The following EMP2 variants were observed in gnomAD, a reference collection of about 807,000 sequenced individuals.
EMP2 encodes epithelial membrane protein 2.
In EMP2, 19 loss-of-function variants were observed where a neutral mutation model predicts 13.7. The observed-to-expected ratio is 1.38, with a 90% CI of 0.97 to 2.03. EMP2 has a LOEUF of 2.03. Ranked by LOEUF, EMP2 falls within the 30% of genes most tolerant of loss-of-function variation. EMP2 has a pLI of 0.00. For missense variants in EMP2, 253 were observed against 220.7 expected, an observed-to-expected ratio of 1.15 and a Z score of -0.93; for synonymous variants, 97 against 84.7, an observed-to-expected ratio of 1.15 and a Z score of -0.80.
rs556281334 is a variant in EMP2, at chr16:10,533,082, G to A, written c.327C>T (p.Val109=). Residue 109 remains valine, a synonymous_variant, in exon 5 of 5, where the codon GTC becomes GTT. Transcript: ENST00000359543. The part of the protein sequence containing the change: ...SIIQLMSCLC[V]MIAASIYTDR... ...CTGTATAAATGGAGGCCGCAATCATGACACACAGACCTGTCAGGAAGAAAG... is the reference window on the plus strand; with the variant it reads ...CTGTATAAATGGAGGCCGCAATCATAACACACAGACCTGTCAGGAAGAAAG... 2.5e-6 allele frequency: 4 copies of A among 1,579,546 alleles called. No individual in the cohort carries two copies. In the South Asian group the frequency reaches 4.7e-5, roughly 18 times the overall value.
At position 10,538,017 on chromosome 16, in the gene EMP2, C is replaced by T; in HGVS notation, c.227G>A (p.Cys76Tyr). The change falls in exon 4 of 5, where the codon TGC (cysteine) becomes TAC (tyrosine). Residue 76 changes from cysteine (C) to tyrosine (Y), a missense_variant. Physicochemically the swap from Cys to Tyr is radical, Grantham distance 194. Coordinates refer to ENST00000359543, the MANE Select transcript of EMP2 (RefSeq NM_001424.6). ...GAGCACGAAGATGAAGAAGGCGATGCAGCAGAGAATGGTGGAGAGGATCAT... is the reference window on the plus strand; with the variant it reads ...GAGCACGAAGATGAAGAAGGCGATGTAGCAGAGAATGGTGGAGAGGATCAT... ...ATMILSTILCCIAFFIFVLQL... is the reference protein window; with the variant it reads ...ATMILSTILCYIAFFIFVLQL... The T allele has an allele frequency of 1.2e-6, 2 of 1,614,110 alleles. No homozygotes were observed. Among genetic ancestry groups the T allele is most frequent in the Non-Finnish European group, 1.7e-6 (2 of 1,180,016 alleles).
At chr16:10,538,440 C>T (rs2050668030) in intron 3 of EMP2, among the ~76,000 whole-genome samples, 1 of 152,148 alleles carries the variant, frequency 6.6e-6, no homozygotes, top group African/African-American at 2.4e-5. Flanking sequence ...CTCAAGAAAT[C>T]AGGATGGGGC....
chr16:10,572,619 C>A (rs1017894414), intron 1 of EMP2, among the ~76,000 whole-genome samples: 3 of 152,100 alleles, frequency 2.0e-5, no homozygotes, highest in African/African-American at 7.2e-5. Context: ...GATAGATGAC[C>A]TGTCACAGAA....
intron 1 of EMP2, among the ~76,000 whole-genome samples, chr16:10,568,855 C>T (rs1455786056): frequency 1.6e-5 from 2 of 127,130 alleles, no homozygotes; most frequent in African/African-American, 6.2e-5. Context: ...GGCGCAATGT[C>T]GGCTCACTGC....
intron 4 of EMP2, among the ~76,000 whole-genome samples, chr16:10,535,598 T>A (rs924430231): frequency 8.6e-5 from 13 of 151,996 alleles, no homozygotes; most frequent in Non-Finnish European, 1.8e-4. Context: ...TAGTCCCAGT[T>A]CCTTGGGAGG....
chr16:10,571,074 C>A (rs182429046), intron 1 of EMP2, among the ~76,000 whole-genome samples: 1 of 151,184 alleles, frequency 6.6e-6, no homozygotes, highest in Non-Finnish European at 1.5e-5. Flanking sequence ...CTGGCCAACA[C>A]GGTGAAACCC....
chr16:10,549,875 T>TTC (rs1186317644), intron 1 of EMP2, among the ~76,000 whole-genome samples: 1 of 147,838 alleles, frequency 6.8e-6, no homozygotes, highest in African/African-American at 2.6e-5. Flanking sequence ...TTCTTTTTTT[T>TTC]TCTTTTTCTT....
chr16:10,561,513 G>A (rs939019852), intron 1 of EMP2, among the ~76,000 whole-genome samples: 2 of 152,254 alleles, frequency 1.3e-5, no homozygotes, highest in Middle Eastern at 3.4e-3. Flanking sequence ...GCAACCAAGA[G>A]CACATGATGG....
chr16:10,568,775 A>ATTTTC lies in EMP2; in HGVS notation c.-61+11769_-61+11773dup, dbSNP rs1567210152. ...GAGGGGTGTGGATTCTTGTGCTAGG[A>ATTTTC]TTTTCTTTTTTTTTTTTTTTTTTTT... is the stretch of plus-strand genomic sequence containing the variant. On this transcript the variant is annotated intron_variant, in intron 1 of 4. Coordinates refer to ENST00000359543, the MANE Select transcript of EMP2 (RefSeq NM_001424.6). 1.8e-3 allele frequency among the ~76,000 whole-genome samples: 120 copies of ATTTTC among 67,264 alleles called. 5 individuals carry two copies. Among genetic ancestry groups the ATTTTC allele is most frequent in the Middle Eastern group, 6.8e-3 (1 of 148 alleles). The allele number at this position is 67,264 out of a possible 152,430, so 44.1% of individuals were successfully genotyped here.
intron 4 of EMP2, among the ~76,000 whole-genome samples, chr16:10,536,063 C>T (rs961460796): frequency 7.2e-5 from 11 of 152,016 alleles, no homozygotes; most frequent in African/African-American, 1.9e-4. Flanking sequence ...AGTGACCCTC[C>T]GGAGTCTTTT....
intron 1 of EMP2, among the ~76,000 whole-genome samples, chr16:10,553,346 T>A (rs1013185068): frequency 1.3e-5 from 2 of 152,230 alleles, no homozygotes; most frequent in African/African-American, 2.4e-5. Context: ...CGTGTGGCGG[T>A]AGCCGTACCA....
At chr16:10,569,121 G>A (rs2050929999) in intron 1 of EMP2, among the ~76,000 whole-genome samples, 1 of 152,070 alleles carries the variant, frequency 6.6e-6, no homozygotes. Flanking sequence ...ACTCTTGGGT[G>A]AAACCAAGAA....
At position 10,562,239 on chromosome 16, in the gene EMP2, T is replaced by C. The variant is rs572751861; in HGVS notation, c.-60-14562A>G. ...TCCAATCTATTTCTCCACCTGCTGATGCCCAGCTGGCCTTGTGATTTTTTT... is the reference window on the plus strand; with the variant it reads ...TCCAATCTATTTCTCCACCTGCTGACGCCCAGCTGGCCTTGTGATTTTTTT... On this transcript the variant is annotated intron_variant, in intron 1 of 4. Transcript: ENST00000359543. 2.1e-3 allele frequency among the ~76,000 whole-genome samples: 322 copies of C among 152,242 alleles called. 1 individual carries two copies. The highest frequency in any genetic ancestry group is 1.7e-3 in the Non-Finnish European group (118 of 68,014).
intron 1 of EMP2, among the ~76,000 whole-genome samples, chr16:10,554,527 A>T (rs184117772): frequency 6.6e-6 from 1 of 152,302 alleles, no homozygotes; most frequent in Non-Finnish European, 1.5e-5. Context: ...CTCTCTGATG[A>T]TACGAAAGAA....
chr16:10,547,437 T>C, intron 2 of EMP2, 103 bp downstream of exon 2: 1 of 1,232,204 alleles, frequency 8.1e-7, no homozygotes, highest in Non-Finnish European at 1.1e-6. Context: ...TTACCTAGTC[T>C]CTGGTATGCC....
At position 10,549,429 on chromosome 16, in the gene EMP2, G is replaced by A. The variant is rs191277356; in HGVS notation, c.-60-1752C>T. ...ATCAAACAATTAAAAGTCACACTGG[G>A]AAAAATTGATAAAATCTTTGAGTAT... On this transcript the variant is annotated intron_variant, in intron 1 of 4. Coordinates refer to ENST00000359543, the MANE Select transcript of EMP2 (RefSeq NM_001424.6). 3.5e-4 allele frequency among the ~76,000 whole-genome samples: 53 copies of A among 152,218 alleles called. 1 individual carries two copies. Among genetic ancestry groups the A allele is most frequent in the African/African-American group, 1.2e-3 (50 of 41,524 alleles).
intron 1 of EMP2, among the ~76,000 whole-genome samples, chr16:10,560,463 G>C (rs984306050): frequency 6.6e-6 from 1 of 152,192 alleles, no homozygotes; most frequent in African/African-American, 2.4e-5. Context: ...CAATTTGCAG[G>C]TGGCAGAGCC....
chr16:10,574,587 C>A (rs900401936), intron 1 of EMP2, among the ~76,000 whole-genome samples: 2 of 151,838 alleles, frequency 1.3e-5, no homozygotes, highest in Admixed American at 6.6e-5. Context: ...GAGATGGAGT[C>A]TCGCTCTGTC....
chr16:10,575,770 T>C lies in EMP2; in HGVS notation c.-61+4779A>G, dbSNP rs146115914. Among the ~76,000 whole-genome samples the C allele has an allele frequency of 6.6e-3, 1,011 of 152,200 alleles. 12 individuals are homozygous for C. The highest frequency in any genetic ancestry group is 0.023 in the African/African-American group (973 of 41,510). ...TCCATGTGCATCAATATATCATCTC[T>C]TCTGATCCACAGACAGCTGGCAAAG... On this transcript the variant is annotated intron_variant, in intron 1 of 4. Transcript: ENST00000359543.
Sources: gnomAD v4.1 joint callset for allele counts (sites outside exome capture counted in the v4.1 genomes callset) on GRCh38, gnomAD v4.1.1 for gene constraint, MANE v1.5 for transcripts, NCBI Gene and HGNC (gene_info 2026-07-23, HGNC 2026-07-21) for gene names.